The following CAMTA1 variants were observed in gnomAD, a reference collection of about 807,000 sequenced individuals.
The protein encoded by CAMTA1 is calmodulin-binding transcription activator 1.
In CAMTA1, 27 loss-of-function variants were observed where a neutral mutation model predicts 170.9. The observed-to-expected ratio is 0.16, with a 90% CI of 0.12 to 0.22. CAMTA1 has a LOEUF of 0.22. CAMTA1 is among the 10% of genes least tolerant of loss of function. CAMTA1 has a pLI of 1.00. For synonymous variants in CAMTA1, 833 were observed against 891.5 expected, an observed-to-expected ratio of 0.93 and a Z score of 1.17; for missense variants, 1,619 against 2,217.2, an observed-to-expected ratio of 0.73 and a Z score of 5.42.
intron 4 of CAMTA1, among the ~76,000 whole-genome samples, chr1:7,197,921 G>A (rs1655870430): frequency 6.6e-6 from 1 of 151,804 alleles, no homozygotes; most frequent in African/African-American, 2.4e-5. Context: ...GCCAGAGTGG[G>A]GAGACAGCTC....
chr1:6,813,333 T>A (rs1403225930), intron 1 of CAMTA1, among the ~76,000 whole-genome samples: 1 of 152,108 alleles, frequency 6.6e-6, no homozygotes, highest in Non-Finnish European at 1.5e-5. Flanking sequence ...TTGTGCTGTT[T>A]CTTATTTATT....
intron 4 of CAMTA1, among the ~76,000 whole-genome samples, chr1:7,214,576 C>T (rs1013326374): frequency 2.6e-5 from 4 of 152,120 alleles, no homozygotes; most frequent in African/African-American, 9.7e-5. Context: ...CCACGTTAGC[C>T]GGGATGGTCT....
At position 7,664,935 on chromosome 1, in the gene CAMTA1, G is replaced by A. The variant is rs147922248; in HGVS notation, c.2388G>A (p.Val796=). 253 of 1,613,002 alleles carry A rather than the reference G, an allele frequency of 1.6e-4. No homozygotes were observed. The highest frequency in any genetic ancestry group is 2.1e-4 in the Non-Finnish European group (246 of 1,180,004). Residue 796 remains valine (V), a synonymous_variant, in exon 9 of 23, where the codon GTG becomes GTA. Coordinates refer to ENST00000303635, the MANE Select transcript of CAMTA1 (RefSeq NM_015215.4). ...GCACCATCTATGGGCACCAGCTGGT[G>A]TCGGGGGACAGCACGGCGCTCTCAC... ...GSSTIYGHQL[V]SGDSTALSQS...
chr1:7,085,330 G>T (rs147201903), intron 3 of CAMTA1, among the ~76,000 whole-genome samples: 1 of 152,352 alleles, frequency 6.6e-6, no homozygotes, highest in East Asian at 1.9e-4. Context: ...GGAGCCTCAG[G>T]CATGGGCTCT....
At chr1:7,560,288 C>A (rs922589356) in intron 6 of CAMTA1, among the ~76,000 whole-genome samples, 1 of 152,222 alleles carries the variant, frequency 6.6e-6, no homozygotes, top group Admixed American at 6.5e-5. Context: ...CCCTTCAGGT[C>A]CCCTGGGGTC....
rs1355961335 is a variant in CAMTA1 at position 7,435,378 on chromosome 1, G to A, written c.439-32452G>A. ...TAAAGCCCAGAATCCCAGAACTCCA[G>A]AATTCCAAGTTTGGGACTCCTGTAC... On this transcript the variant is annotated intron_variant, in intron 5 of 22. Coordinates refer to ENST00000303635, the MANE Select transcript of CAMTA1 (RefSeq NM_015215.4). The surrounding 1 kb of genome is among the most constrained non-coding windows in gnomAD (Gnocchi z 4.4). Among the ~76,000 whole-genome samples, 1 of 152,172 alleles carries A rather than the reference G, an allele frequency of 6.6e-6. No homozygotes were observed. Among genetic ancestry groups the A allele is most frequent in the East Asian group, 1.9e-4 (1 of 5,178 alleles).
intron 6 of CAMTA1, among the ~76,000 whole-genome samples, chr1:7,566,314 G>A (rs1343732423): frequency 1.3e-5 from 2 of 152,220 alleles, no homozygotes; most frequent in African/African-American, 4.8e-5. Flanking sequence ...GATGTTGGGA[G>A]AGATGATTAA....
At chr1:7,131,077 C>A (rs1044380927) in intron 4 of CAMTA1, among the ~76,000 whole-genome samples, 12 of 152,048 alleles carry the variant, frequency 7.9e-5, no homozygotes, top group African/African-American at 2.9e-4. Context: ...CCTCAGCCTC[C>A]TAAGTAACTG....
Position 7,044,188 on chromosome 1 carries a change from G to T in CAMTA1, c.235-47116G>T, listed in dbSNP as rs138979151. On this transcript the variant is annotated intron_variant, in intron 3 of 22. Coordinates refer to ENST00000303635, the MANE Select transcript of CAMTA1 (RefSeq NM_015215.4). The surrounding 1 kb of genome is among the most constrained non-coding windows in gnomAD (Gnocchi z 5.0). ...ACATGCATGCACAGCGCATGGCTGG[G>T]GCTGCAGAGCAGGCGCCCCAGTGTC... Among the ~76,000 whole-genome samples the T allele has an allele frequency of 4.3e-3, 656 of 152,340 alleles. 2 individuals carry two copies. The highest frequency in any genetic ancestry group is 5.5e-3 in the Non-Finnish European group (376 of 68,020).
intron 3 of CAMTA1, among the ~76,000 whole-genome samples, chr1:6,908,406 G>A (rs778286838): frequency 1.3e-5 from 2 of 152,198 alleles, no homozygotes; most frequent in African/African-American, 4.8e-5. Flanking sequence ...CCCGCTGCTC[G>A]CTGCAAGTGT....
rs755593240 is a variant in CAMTA1 at position 7,570,075 on chromosome 1, G to A, written c.511-70325G>A. Among the ~76,000 whole-genome samples, 15 of 152,188 alleles carry A rather than the reference G, an allele frequency of 9.9e-5. No individual in the cohort carries two copies. Among genetic ancestry groups the A allele is most frequent in the Non-Finnish European group, 1.9e-4 (13 of 68,036 alleles). ...ATGGCTTTTGCTTTGATCATTAGGG[G>A]TCCTGGGAGGCCTTGGGGCCGTCTT... On this transcript the variant is annotated intron_variant, in intron 6 of 22. Coordinates refer to ENST00000303635, the MANE Select transcript of CAMTA1 (RefSeq NM_015215.4). This position sits in a 1 kb window ranked among gnomAD's most constrained non-coding sequence, Gnocchi z 4.3.
At chr1:7,492,747 G>GTGCA (rs2149707455) in intron 6 of CAMTA1, among the ~76,000 whole-genome samples, 1 of 97,586 alleles carries the variant, frequency 1.0e-5, no homozygotes, top group Non-Finnish European at 2.1e-5. Context: ...ACACACGCGC[G>GTGCA]CACACACACA....
At chr1:6,818,175 A>G (rs1383071355) in intron 1 of CAMTA1, among the ~76,000 whole-genome samples, 2 of 152,190 alleles carry the variant, frequency 1.3e-5, no homozygotes, top group East Asian at 3.9e-4. Flanking sequence ...CATCTCTACT[A>G]AAAATACACA....
chr1:7,298,081 C>A (rs556672422), intron 5 of CAMTA1, among the ~76,000 whole-genome samples: 112 of 152,250 alleles, frequency 7.4e-4, no homozygotes, highest in Non-Finnish European at 1.5e-3. Flanking sequence ...TGAACAAAGA[C>A]CATGTAAATT....
chr1:7,684,292 G>A (rs975248140), intron 11 of CAMTA1, among the ~76,000 whole-genome samples: 11 of 152,220 alleles, frequency 7.2e-5, no homozygotes, highest in African/African-American at 1.9e-4. Context: ...TGCCACCTGC[G>A]GGCCAGATGG....
At chr1:7,582,139 CTG>C (rs1361864371) in intron 6 of CAMTA1, among the ~76,000 whole-genome samples, 1 of 152,174 alleles carries the variant, frequency 6.6e-6, no homozygotes, top group African/African-American at 2.4e-5. Flanking sequence ...GAGCTGGAGT[CTG>C]TGCTCCAGGA....
intron 16 of CAMTA1, among the ~76,000 whole-genome samples, chr1:7,744,375 A>AGG (rs2096842122): frequency 7.1e-6 from 1 of 140,256 alleles, no homozygotes; most frequent in Non-Finnish European, 1.5e-5. Flanking sequence ...CAAGTGATCC[A>AGG]CCCACCTCGG....
At chr1:7,724,412 A>T (rs562095237) in intron 11 of CAMTA1, among the ~76,000 whole-genome samples, 7 of 152,350 alleles carry the variant, frequency 4.6e-5, no homozygotes, top group Admixed American at 3.9e-4. Flanking sequence ...GATCTTTGCA[A>T]CTTATCTGTA....
intron 4 of CAMTA1, among the ~76,000 whole-genome samples, chr1:7,189,808 A>G (rs1383007176): frequency 6.6e-6 from 1 of 152,220 alleles, no homozygotes; most frequent in African/African-American, 2.4e-5. Context: ...AAAGGAAGTC[A>G]TTGTACAAAA....
Sources: allele counts gnomAD v4.1 joint callset (sites outside exome capture counted in the v4.1 genomes callset), GRCh38; gene constraint gnomAD v4.1.1; non-coding constraint Gnocchi (gnomAD v3.1); transcripts MANE v1.5; gene names NCBI Gene and HGNC (gene_info 2026-07-23, HGNC 2026-07-21).